GOLGB1: variants seen among roughly 807,000 people sequenced by gnomAD.
The protein encoded by GOLGB1 is golgin subfamily B member 1.
GOLGB1 carries 174 observed loss-of-function variants against 336.9 expected under a neutral mutation model. The ratio of observed to expected loss-of-function variants is 0.52; its 90% CI spans 0.46 to 0.59. The LOEUF is 0.59. Ranked by LOEUF, GOLGB1 falls within the 20% of genes least tolerant of loss-of-function variation. The probability of loss-of-function intolerance (pLI) is 0.00; values close to 1 mark genes in which losing one functional copy is unlikely to be tolerated. For missense variants in GOLGB1, 3,331 were observed against 3,645.3 expected (o/e 0.91, Z 2.22); for synonymous variants, 1,208 against 1,289.2 (o/e 0.94, Z 1.35).
At chr3:121,746,687 C>T (rs1030324982) in intron 1 of GOLGB1, among the ~76,000 whole-genome samples, 1 of 152,062 alleles carries the variant, frequency 6.6e-6, no homozygotes, top group African/African-American at 2.4e-5. Context: ...ACCATGTTGG[C>T]CAGGCTGGTC....
chr3:121,681,578 G>A (rs1941075510), intron 15 of GOLGB1, 109 bp downstream of exon 15: 1 of 743,720 alleles, frequency 1.3e-6, no homozygotes, highest in Non-Finnish European at 2.2e-6. Context: ...GGAAGAAACT[G>A]GGTGAAGGGT....
Position 121,698,197 on chromosome 3 carries a change from T to C in GOLGB1, c.2326A>G (p.Met776Val). 4.3e-6 allele frequency: 7 copies of C among 1,613,848 alleles called. No individual in the cohort carries two copies. The highest frequency in any genetic ancestry group is 5.1e-6 in the Non-Finnish European group (6 of 1,179,934). The change falls in exon 13 of 22, where the codon ATG becomes GTG. Residue 776 changes from methionine to valine, a missense_variant. Physicochemically the swap from Met to Val is conservative, Grantham distance 21. Transcript: ENST00000614479. ...TGCCTTTCTGCTTCTGCAAGGTTCA[T>C]TTCCAGTTGCTTTACCTGAGCCCTC... ...ELRAQVKQLEMNLAEAERQRR... is the reference protein window; with the variant it reads ...ELRAQVKQLEVNLAEAERQRR...
chr3:121,734,722 C>A (rs2108332729), intron 1 of GOLGB1, among the ~76,000 whole-genome samples: 1 of 152,304 alleles, frequency 6.6e-6, no homozygotes, highest in African/African-American at 2.4e-5. Context: ...GGATATAGAG[C>A]AACAGGAACT....
intron 8 of GOLGB1, 111 bp from the exon 9 acceptor site, chr3:121,717,250 G>A (rs1398940721): frequency 1.2e-6 from 1 of 813,668 alleles, no homozygotes; most frequent in Non-Finnish European, 1.9e-6. Flanking sequence ...ATGTTTCTAT[G>A]CTAGAGAGAA....
At position 121,722,389 on chromosome 3, in the gene GOLGB1, C is replaced by T. The variant is rs751225565; in HGVS notation, c.532-11G>A. On this transcript the variant is annotated splice_polypyrimidine_tract_variant and intron_variant, in intron 5 of 21. Coordinates refer to ENST00000614479, the MANE Select transcript of GOLGB1 (RefSeq NM_001366282.2). Reference sequence around the variant, plus strand: ...CATCTCTGTAGAACTCTTATCAAACCGAAGACATAGAAGGAAAAAAAATTA... The same window carrying T: ...CATCTCTGTAGAACTCTTATCAAACTGAAGACATAGAAGGAAAAAAAATTA... 35 of 1,422,432 alleles carry T rather than the reference C, an allele frequency of 2.5e-5. No homozygotes were observed. The highest frequency in any genetic ancestry group is 9.3e-5 in the South Asian group (8 of 86,208). 88.1% of individuals were successfully genotyped at this position (1,422,432 alleles called of 1,614,324 possible). A position where few individuals can be genotyped will look rare whatever the true frequency, so the allele number is the denominator to read the frequency against.
chr3:121,738,552 G>A, intron 1 of GOLGB1, among the ~76,000 whole-genome samples: 1 of 152,162 alleles, frequency 6.6e-6, no homozygotes, highest in East Asian at 1.9e-4. Context: ...AAGAGCCAGT[G>A]GGCATTCACT....
Position 121,697,562 on chromosome 3 carries a change from G to A in GOLGB1, c.2961C>T (p.Asp987=). Residue 987 remains aspartate, a synonymous_variant, in exon 13 of 22, where the codon GAC becomes GAT. Transcript: ENST00000614479. ...TCTGCTCATTTTCTTTCTTCAGAAG[G>A]TCAAATTCATGCTGAAGTTCTTCCT... The part of the protein sequence containing the change: ...ISKEELQHEF[D]LLKKENEQRK... The A allele has an allele frequency of 6.2e-7, 1 of 1,613,668 alleles. No homozygotes were observed. Among genetic ancestry groups the A allele is most frequent in the Non-Finnish European group, 8.5e-7 (1 of 1,179,930 alleles).
At chr3:121,673,072 G>GT (rs1939780777) in intron 17 of GOLGB1, among the ~76,000 whole-genome samples, 2 of 146,744 alleles carry the variant, frequency 1.4e-5, no homozygotes, top group African/African-American at 5.1e-5. Context: ...TTTGTTTTTT[G>GT]GTTTTTTTTT....
chr3:121,688,014 A>T, intron 14 of GOLGB1, among the ~76,000 whole-genome samples: 1 of 152,220 alleles, frequency 6.6e-6, no homozygotes, highest in African/African-American at 2.4e-5. Context: ...TCGGATTACA[A>T]AAGGGGAAAG....
At chr3:121,747,192 A>ATATG (rs1947365030) in intron 1 of GOLGB1, among the ~76,000 whole-genome samples, 1 of 112,650 alleles carries the variant, frequency 8.9e-6, no homozygotes, top group African/African-American at 3.3e-5. Flanking sequence ...ATATATATAT[A>ATATG]TGGATGTTAC....
chr3:121,699,539 G>A (rs1277150260), intron 12 of GOLGB1, among the ~76,000 whole-genome samples: 2 of 152,072 alleles, frequency 1.3e-5, no homozygotes, highest in African/African-American at 4.8e-5. Context: ...AAGAAGTTGA[G>A]ATAGATGATA....
chr3:121,709,090 A>G (rs755980757), intron 10 of GOLGB1, among the ~76,000 whole-genome samples: 1 of 152,238 alleles, frequency 6.6e-6, no homozygotes, highest in Non-Finnish European at 1.5e-5. Context: ...ATAAAGAAGT[A>G]TTACTACAGA....
At position 121,698,462 on chromosome 3, in the gene GOLGB1, A is replaced by T. The variant is rs146915665; in HGVS notation, c.2061T>A (p.His687Gln). The T allele has an allele frequency of 1.9e-6, 3 of 1,613,778 alleles. No individual in the cohort carries two copies. The highest frequency in any genetic ancestry group is 2.5e-6 in the Non-Finnish European group (3 of 1,179,880). Residue 687 changes from histidine (H) to glutamine (Q), a missense_variant, in exon 13 of 22, where the codon CAT (histidine) becomes CAA (glutamine). Coordinates refer to ENST00000614479, the MANE Select transcript of GOLGB1 (RefSeq NM_001366282.2). ...TTTTTAACCTTTCCAACTCATCCTG[A>T]TGACACTGACCAATATCTGGTACAG... ...LSAVPDIGQC[H>Q]QDELERLKSQ...
intron 5 of GOLGB1, among the ~76,000 whole-genome samples, chr3:121,726,542 T>A (rs1945630379): frequency 7.0e-6 from 1 of 143,502 alleles, no homozygotes; most frequent in Non-Finnish European, 1.5e-5. Context: ...ACTGAACTCA[T>A]GAAAAATCCA....
chr3:121,673,314 T>A (rs193012637), intron 17 of GOLGB1, among the ~76,000 whole-genome samples: 8 of 152,034 alleles, frequency 5.3e-5, no homozygotes, highest in Admixed American at 1.3e-4. Flanking sequence ...GGTGATCCAC[T>A]CATCTTGGCT....
At chr3:121,738,706 G>A (rs190036447) in intron 1 of GOLGB1, among the ~76,000 whole-genome samples, 219 of 152,310 alleles carry the variant, frequency 1.4e-3, no homozygotes, top group African/African-American at 5.1e-3. Flanking sequence ...GAACTGAAGA[G>A]TTGGGGCTCT....
chr3:121,734,021 TA>T (rs1198667733), intron 1 of GOLGB1, among the ~76,000 whole-genome samples: 1 of 152,144 alleles, frequency 6.6e-6, no homozygotes. Flanking sequence ...CAATATATTA[TA>T]AAAAATATTG....
At chr3:121,727,995 T>C (rs1446736695) in intron 4 of GOLGB1, among the ~76,000 whole-genome samples, 2 of 151,968 alleles carry the variant, frequency 1.3e-5, no homozygotes, top group Non-Finnish European at 2.9e-5. Context: ...GAGCTAAAAA[T>C]GAAATTAAAA....
chr3:121,707,225 C>CAAAAAAAA (rs554313106), intron 10 of GOLGB1, among the ~76,000 whole-genome samples: 4 of 93,626 alleles, frequency 4.3e-5, no homozygotes, highest in Non-Finnish European at 8.0e-5. Context: ...GACTCCATCT[C>CAAAAAAAA]AAAAAAAAAA....
Sources: allele counts gnomAD v4.1 joint callset (sites outside exome capture counted in the v4.1 genomes callset), GRCh38; gene constraint gnomAD v4.1.1; transcripts MANE v1.5; gene names NCBI Gene and HGNC (gene_info 2026-07-23, HGNC 2026-07-21).